ATP9B: variants seen among roughly 807,000 people sequenced by gnomAD.
ATP9B encodes the protein ATPase phospholipid transporting 9B.
A neutral mutation model predicts 146.1 loss-of-function variants in ATP9B; 110 were observed. The observed-to-expected ratio is 0.75, with a 90% CI of 0.65 to 0.88. The LOEUF (loss-of-function observed/expected upper bound fraction) is 0.88. Among genes scored for constraint, ATP9B ranks in the 40% least tolerant of loss-of-function variants. The pLI is 0.00. For synonymous variants in ATP9B, 604 were observed against 569.7 expected (o/e 1.06, Z -0.86); for missense variants, 1,499 against 1,496.4 (o/e 1.00, Z -0.03).
At chr18:79,069,611 G>T (rs911750086) in intron 1 of ATP9B, 82 bp downstream of exon 1, 1 of 928,240 alleles carries the variant, frequency 1.1e-6, no homozygotes, top group Non-Finnish European at 1.4e-6. Flanking sequence ...GAGCCGGGCG[G>T]GTCTGGGGTC....
intron 1 of ATP9B, among the ~76,000 whole-genome samples, chr18:79,077,160 G>C (rs1341427291): frequency 2.0e-5 from 3 of 152,114 alleles, no homozygotes; most frequent in Admixed American, 1.3e-4. Flanking sequence ...AAATTTTTCT[G>C]GTTTTGGGGA....
chr18:79,130,926 C>A (rs568980990), intron 5 of ATP9B, among the ~76,000 whole-genome samples: 1 of 152,090 alleles, frequency 6.6e-6, no homozygotes, highest in Admixed American at 6.5e-5. Flanking sequence ...TTTGGGAGGC[C>A]GAGGCAGGTG....
chr18:79,069,437 G>A lies in ATP9B; in HGVS notation c.27G>A (p.Pro9=). 1 of 1,519,536 alleles carries A rather than the reference G, an allele frequency of 6.6e-7. No individual in the cohort carries two copies. 94.1% of individuals were successfully genotyped at this position (1,519,536 alleles called of 1,614,324 possible). A position where few individuals can be genotyped will look rare whatever the true frequency, so the allele number is the denominator to read the frequency against. MADQIPLY[P]VRSAAAAAAN... Reference sequence around the variant, plus strand: ...TGGCGGACCAGATCCCGCTTTACCCGGTGCGTAGCGCAGCGGCGGCCGCAG... The same window carrying A: ...TGGCGGACCAGATCCCGCTTTACCCAGTGCGTAGCGCAGCGGCGGCCGCAG... The change falls in exon 1 of 30, where the codon CCG becomes CCA. Residue 9 remains proline (P), a synonymous_variant. Coordinates refer to ENST00000426216, the MANE Select transcript of ATP9B (RefSeq NM_198531.5).
At position 79,199,979 on chromosome 18, in the gene ATP9B, C is replaced by A. The variant is rs184531911; in HGVS notation, c.954+6716C>A. Among the ~76,000 whole-genome samples, 102 of 152,192 alleles carry A rather than the reference C, an allele frequency of 6.7e-4. 1 individual carries two copies. The East Asian group carries it at 0.013, about 19-fold the overall frequency. The stretch of plus-strand genomic sequence containing the variant: ...GAGGCTGTTTTACAATTAAGTTTGT[C>A]TTTTTATAAGTAGAAGGAGTACACT... On this transcript the variant is annotated intron_variant, in intron 9 of 29. Transcript: ENST00000426216.
chr18:79,375,520 C>G (rs1360050481), intron 29 of ATP9B, 94 bp downstream of exon 29: 10 of 1,545,092 alleles, frequency 6.5e-6, no homozygotes, highest in Non-Finnish European at 4.4e-6. Context: ...AAACCTTCCT[C>G]TAATTCAGTG....
At chr18:79,311,158 A>C (rs1446125458) in intron 15 of ATP9B, among the ~76,000 whole-genome samples, 1 of 148,314 alleles carries the variant, frequency 6.7e-6, no homozygotes, top group Non-Finnish European at 1.5e-5. Context: ...TCTCAAAAAA[A>C]AGAAAAGAAA....
chr18:79,098,218 T>C (rs1196356000), intron 2 of ATP9B, among the ~76,000 whole-genome samples: 8 of 151,910 alleles, frequency 5.3e-5, no homozygotes, highest in African/African-American at 1.7e-4. Flanking sequence ...CCCTTCCTTA[T>C]ACAAAAATCA....
At chr18:79,195,374 A>G (rs2095408711) in intron 9 of ATP9B, among the ~76,000 whole-genome samples, 2 of 152,142 alleles carry the variant, frequency 1.3e-5, no homozygotes. Context: ...CAGCCTTCTA[A>G]AGGGTCGGGA....
chr18:79,323,457 C>T (rs2096727116), intron 15 of ATP9B, among the ~76,000 whole-genome samples: 1 of 152,144 alleles, frequency 6.6e-6, no homozygotes, highest in African/African-American at 2.4e-5. Context: ...CCTCAATGTC[C>T]CCGATATCCT....
At chr18:79,135,629 C>G (rs553045928) in intron 5 of ATP9B, among the ~76,000 whole-genome samples, 1 of 152,240 alleles carries the variant, frequency 6.6e-6, no homozygotes, top group Admixed American at 6.5e-5. Context: ...CATTCCTAGC[C>G]CCTTCGATCT....
chr18:79,312,956 G>A (rs748609825), intron 15 of ATP9B, among the ~76,000 whole-genome samples: 11 of 152,190 alleles, frequency 7.2e-5, no homozygotes, highest in Non-Finnish European at 1.0e-4. Flanking sequence ...ATACAATGTC[G>A]TCATCGTATA....
At chr18:79,364,694 A>G (rs975778564) in intron 26 of ATP9B, among the ~76,000 whole-genome samples, 7 of 152,220 alleles carry the variant, frequency 4.6e-5, no homozygotes, top group African/African-American at 7.2e-5. Flanking sequence ...TGATCCTTAA[A>G]GGAAAAAAAT....
At chr18:79,348,293 T>C (rs1280226175) in intron 25 of ATP9B, 97 bp downstream of exon 25, 7 of 1,149,986 alleles carry the variant, frequency 6.1e-6, no homozygotes, top group Non-Finnish European at 8.9e-6. Flanking sequence ...TAGAAGATTC[T>C]TGATACAGTC....
intron 26 of ATP9B, chr18:79,361,887 G>A: frequency 1.3e-6 from 1 of 754,202 alleles, no homozygotes; most frequent in Non-Finnish European, 1.6e-6. Flanking sequence ...CTCCTGCGAT[G>A]TAGGACAACA....
intron 29 of ATP9B, chr18:79,376,240 C>T (rs1052493324): frequency 1.0e-6 from 1 of 968,014 alleles, no homozygotes; most frequent in Admixed American, 7.0e-5. Context: ...AATGGCTAGC[C>T]TAGATCGTCC....
At chr18:79,289,766 A>T (rs2096482970) in intron 13 of ATP9B, among the ~76,000 whole-genome samples, 3 of 152,012 alleles carry the variant, frequency 2.0e-5, no homozygotes, top group African/African-American at 7.3e-5. Flanking sequence ...GTCTTTGATG[A>T]TGGTGATGTA....
chr18:79,171,878 G>GTTT (rs144146479), intron 7 of ATP9B, among the ~76,000 whole-genome samples: 16 of 146,700 alleles, frequency 1.1e-4, no homozygotes, highest in African/African-American at 3.8e-4. Context: ...TCGGAGACTC[G>GTTT]TTTTTTTTTG....
intron 7 of ATP9B, chr18:79,173,861 A>G: frequency 4.7e-6 from 2 of 422,642 alleles, no homozygotes; most frequent in South Asian, 3.5e-5. Flanking sequence ...ACATTTTAGA[A>G]TAATCTTGCC....
In ATP9B at chr18:79,138,785, A is replaced by C. The variant is rs535934656; in HGVS notation, c.668-5017A>C. Among the ~76,000 whole-genome samples, 97 of 151,888 alleles carry C rather than the reference A, an allele frequency of 6.4e-4. 1 individual carries two copies. Among genetic ancestry groups the C allele is most frequent in the African/African-American group, 2.3e-3 (96 of 41,446 alleles). ...TGTTGTTCTTACATTAAAAAAAAAA[A>C]AAAAACCAGTATTGGCCGGGTGTGG... On this transcript the variant is annotated intron_variant, in intron 5 of 29. Coordinates refer to ENST00000426216, the MANE Select transcript of ATP9B (RefSeq NM_198531.5).
Sources: gnomAD v4.1 joint callset for allele counts (sites outside exome capture counted in the v4.1 genomes callset) on GRCh38, gnomAD v4.1.1 for gene constraint, MANE v1.5 for transcripts, NCBI Gene and HGNC (gene_info 2026-07-23, HGNC 2026-07-21) for gene names.